PADI3: variants seen among roughly 807,000 people sequenced by gnomAD.
PADI3 encodes protein-arginine deiminase type-3.
Under a neutral mutation model 71.5 loss-of-function variants are expected in PADI3, and 53 were observed. The ratio of observed to expected loss-of-function variants is 0.74; its 90% CI spans 0.59 to 0.93. PADI3 has a LOEUF of 0.93. Ranked by LOEUF, PADI3 falls within the 40% of genes least tolerant of loss-of-function variation. The pLI is 0.00. For synonymous variants in PADI3, 361 were observed against 347.5 expected (o/e 1.04, Z -0.43); for missense variants, 821 against 868.0 (o/e 0.95, Z 0.68).
At chr1:17,281,609 C>T (rs1391354880) in intron 15 of PADI3, among the ~76,000 whole-genome samples, 2 of 152,026 alleles carry the variant, frequency 1.3e-5, no homozygotes, top group East Asian at 1.9e-4. Context: ...TGCACCACCA[C>T]GCCCGGCTAA....
Position 17,273,327 on chromosome 1 carries a change from T to C in PADI3, c.1048-13T>C. ...GTCACAGCTGTGCGTCTCTCGCCTC[T>C]CCTCACTTGCAGGATGAGATGGAGC... On this transcript the variant is annotated splice_polypyrimidine_tract_variant and intron_variant, in intron 9 of 15. Coordinates refer to ENST00000375460, the MANE Select transcript of PADI3 (RefSeq NM_016233.2). 1.2e-6 allele frequency: 2 copies of C among 1,606,372 alleles called. No homozygotes were observed. The highest frequency in any genetic ancestry group is 1.7e-6 in the Non-Finnish European group (2 of 1,174,188).
At chr1:17,261,624 G>C (rs1239671317) in intron 2 of PADI3, among the ~76,000 whole-genome samples, 3 of 152,240 alleles carry the variant, frequency 2.0e-5, no homozygotes, top group African/African-American at 7.2e-5. Context: ...TTGTTTCCAA[G>C]CTGCATTACA....
chr1:17,258,067 C>T (rs1349181097), intron 1 of PADI3, among the ~76,000 whole-genome samples: 2 of 152,148 alleles, frequency 1.3e-5, no homozygotes, highest in African/African-American at 2.4e-5. Context: ...TACTTAACCT[C>T]GGCTTTCTCA....
chr1:17,259,784 G>T lies in PADI3; in HGVS notation c.273+26G>T, dbSNP rs368031811. On this transcript the variant is annotated intron_variant, in intron 2 of 15. Transcript: ENST00000375460. The stretch of plus-strand genomic sequence containing the variant: ...GTGAGCTGGTCCCTGGTGGGGTGGG[G>T]AGAGGTTTCGAGGGAGGCAGCTGTC... 42 of 1,567,720 alleles carry T rather than the reference G, an allele frequency of 2.7e-5. No homozygotes were observed. The Middle Eastern group carries it at 8.6e-4, about 32-fold the overall frequency.
At chr1:17,280,892 G>A (rs1490062711) in intron 15 of PADI3, 96 bp downstream of exon 15, 6 of 1,452,070 alleles carry the variant, frequency 4.1e-6, no homozygotes, top group Middle Eastern at 3.6e-4. Context: ...ATTTAGGATT[G>A]TGGTGGCCAG....
chr1:17,259,696 G>T lies in PADI3; in HGVS notation c.211G>T (p.Asp71Tyr). 1 of 1,613,536 alleles carries T rather than the reference G, an allele frequency of 6.2e-7. No individual in the cohort carries two copies. Among genetic ancestry groups the T allele is most frequent in the Non-Finnish European group, 8.5e-7 (1 of 1,179,594 alleles). ...ERADTRRWRFDATLEIIVVMN... is the reference protein window; with the variant it reads ...ERADTRRWRFYATLEIIVVMN... The stretch of plus-strand genomic sequence containing the variant: ...TGCAGACACCAGGCGGTGGCGCTTT[G>T]ACGCGACTTTGGAGATCATCGTGGT... Residue 71 changes from aspartate to tyrosine, a missense_variant, in exon 2 of 16, where the codon GAC becomes TAC. Transcript: ENST00000375460.
Position 17,270,400 on chromosome 1 carries a change from G to C in PADI3, c.820G>C (p.Asp274His), listed in dbSNP as rs1457592664. ...CTCCTTCCATGTCACTCTGCTGGAC[G>C]ACTCCAACGAGGTAGGGACAGAGGG... Reference protein sequence around the residue: ...LISFHVTLLDDSNEDFSASPI... With the variant: ...LISFHVTLLDHSNEDFSASPI... Residue 274 changes from aspartate to histidine, a missense_variant, in exon 7 of 16, where the codon GAC (aspartate) becomes CAC (histidine). Coordinates refer to ENST00000375460, the MANE Select transcript of PADI3 (RefSeq NM_016233.2). 1 of 1,612,488 alleles carries C rather than the reference G, an allele frequency of 6.2e-7. No homozygotes were observed. Among genetic ancestry groups the C allele is most frequent in the Admixed American group, 1.7e-5 (1 of 59,850 alleles).
intron 3 of PADI3, among the ~76,000 whole-genome samples, chr1:17,262,867 G>C (rs1036715439): frequency 3.9e-5 from 6 of 152,164 alleles, no homozygotes; most frequent in Non-Finnish European, 8.8e-5. Flanking sequence ...GTATCAAACA[G>C]TCTAAATTCA....
At chr1:17,282,706 C>G in intron 15 of PADI3, 140 bp from the exon 16 acceptor site, 2 of 668,566 alleles carry the variant, frequency 3.0e-6, no homozygotes, top group Non-Finnish European at 2.6e-6. Context: ...CCCCTTTAGC[C>G]AGTTACCTTC....
intron 9 of PADI3, among the ~76,000 whole-genome samples, chr1:17,271,854 A>AAAAAAAAAAAGAGAG (rs1553135554): frequency 7.6e-6 from 1 of 132,324 alleles, no homozygotes; most frequent in African/African-American, 2.9e-5. Flanking sequence ...AAAAAAAAAA[A>AAAAAAAAAAAGAGAG]AGAGAGAGAG....
At chr1:17,256,621 C>A (rs1206090312) in intron 1 of PADI3, among the ~76,000 whole-genome samples, 3 of 152,200 alleles carry the variant, frequency 2.0e-5, no homozygotes, top group Admixed American at 6.5e-5. Flanking sequence ...CACCCAGGGG[C>A]TGGAGCCTGG....
At chr1:17,281,216 C>T (rs1458782584) in intron 15 of PADI3, among the ~76,000 whole-genome samples, 3 of 152,224 alleles carry the variant, frequency 2.0e-5, no homozygotes, top group African/African-American at 7.2e-5. Context: ...GCCCCCTGCT[C>T]TCAAGGGACT....
At chr1:17,279,891 C>T (rs1313630379) in intron 13 of PADI3, among the ~76,000 whole-genome samples, 1 of 152,150 alleles carries the variant, frequency 6.6e-6, no homozygotes, top group African/African-American at 2.4e-5. Context: ...ACGCAGTCAC[C>T]CCCTGAAGGG....
chr1:17,283,184 C>CACCT lies in PADI3; in HGVS notation c.*105_*106insACCT. ...ATAAGCACCAAGAGACCCCAAGGCT[C>CACCT]CAGATGGAACACTGAGGGTGACCGT... On this transcript the variant is annotated 3_prime_UTR_variant, in exon 16 of 16. Coordinates refer to ENST00000375460, the MANE Select transcript of PADI3 (RefSeq NM_016233.2). 1 of 827,612 alleles carries CACCT rather than the reference C, an allele frequency of 1.2e-6. No individual in the cohort carries two copies. The highest frequency in any genetic ancestry group is 2.0e-6 in the Non-Finnish European group (1 of 512,260). The allele number at this position is 827,612 out of a possible 1,614,324, so 51.3% of individuals were successfully genotyped here.
Position 17,256,889 on chromosome 1 carries a change from C to T in PADI3, c.93-2689C>T, listed in dbSNP as rs184732029. On this transcript the variant is annotated intron_variant, in intron 1 of 15. Transcript: ENST00000375460. ...TTCTACTGAAAATACAAAAATTAGC[C>T]GGACACGGTGGTGGGCTGTGTTGTC... is the stretch of plus-strand genomic sequence containing the variant. 6.4e-3 allele frequency among the ~76,000 whole-genome samples: 968 copies of T among 151,940 alleles called. 17 individuals carry two copies. Among genetic ancestry groups the T allele is most frequent in the African/African-American group, 0.022 (910 of 41,458 alleles).
intron 15 of PADI3, among the ~76,000 whole-genome samples, chr1:17,282,454 C>T (rs1307972425): frequency 6.6e-6 from 1 of 152,148 alleles, no homozygotes; most frequent in Non-Finnish European, 1.5e-5. Context: ...CAGAGACCAA[C>T]TAGACGCTCC....
At position 17,253,399 on chromosome 1, in the gene PADI3, C is replaced by T. The variant is rs151317610; in HGVS notation, c.92+4170C>T. On this transcript the variant is annotated intron_variant, in intron 1 of 15. Transcript: ENST00000375460. ...GAAGAGGGGGCAACCTTGACCTGAG[C>T]GGGTGCACAGCTCTCGCACCTCAGA... Among the ~76,000 whole-genome samples the T allele has an allele frequency of 7.2e-3, 1,102 of 152,256 alleles. 10 individuals carry two copies. The highest frequency in any genetic ancestry group is 0.029 in the South Asian group (142 of 4,820).
chr1:17,259,433 A>T, intron 1 of PADI3, 145 bp from the exon 2 acceptor site: 1 of 647,108 alleles, frequency 1.5e-6, no homozygotes, highest in Non-Finnish European at 2.7e-6. Flanking sequence ...TCCAGGCTTG[A>T]CTCGCAGGAG....
At chr1:17,255,507 G>A (rs771147761) in intron 1 of PADI3, among the ~76,000 whole-genome samples, 1 of 152,224 alleles carries the variant, frequency 6.6e-6, no homozygotes, top group Non-Finnish European at 1.5e-5. Context: ...CTGGCAGCTC[G>A]AGGTGGCCTG....
Sources: gnomAD v4.1 joint callset for allele counts (sites outside exome capture counted in the v4.1 genomes callset) on GRCh38, gnomAD v4.1.1 for gene constraint, MANE v1.5 for transcripts, NCBI Gene and HGNC (gene_info 2026-07-23, HGNC 2026-07-21) for gene names.